The following STAU2 variants were observed in gnomAD, a reference collection of about 807,000 sequenced individuals.
STAU2 encodes double-stranded RNA-binding protein Staufen homolog 2.
STAU2 carries 20 observed loss-of-function variants against 65.9 expected under a neutral mutation model. That is an observed-to-expected ratio of 0.30 (90% CI 0.21 to 0.44). The LOEUF (loss-of-function observed/expected upper bound fraction) is 0.44. STAU2 is among the 20% of genes least tolerant of loss of function. STAU2 has a pLI of 1.00. For synonymous variants in STAU2, 232 were observed against 233.9 expected, an observed-to-expected ratio of 0.99 and a Z score of 0.07; for missense variants, 558 against 683.9, an observed-to-expected ratio of 0.82 and a Z score of 2.05.
chr8:73,628,356 G>A (rs1299381059), intron 6 of STAU2, among the ~76,000 whole-genome samples: 1 of 152,026 alleles, frequency 6.6e-6, no homozygotes, highest in African/African-American at 2.4e-5. Context: ...ATAGGCATGA[G>A]TCACTGTGCC....
At chr8:73,509,992 C>G (rs1172807033) in intron 13 of STAU2, among the ~76,000 whole-genome samples, 2 of 152,106 alleles carry the variant, frequency 1.3e-5, no homozygotes, top group Non-Finnish European at 2.9e-5. Context: ...ACAATAAAGG[C>G]CTCTACAACT....
At chr8:73,586,390 A>C (rs578058439) in intron 11 of STAU2, among the ~76,000 whole-genome samples, 1 of 152,212 alleles carries the variant, frequency 6.6e-6, no homozygotes, top group African/African-American at 2.4e-5. Context: ...CTTTGACCCC[A>C]TGCAGTCAGG....
At chr8:73,534,072 C>T (rs1003696995) in intron 13 of STAU2, among the ~76,000 whole-genome samples, 5 of 152,198 alleles carry the variant, frequency 3.3e-5, no homozygotes, top group African/African-American at 1.2e-4. Context: ...GTATGTGATA[C>T]ATAGCACAAT....
At chr8:73,470,523 C>T (rs963231324) in intron 13 of STAU2, among the ~76,000 whole-genome samples, 4 of 152,096 alleles carry the variant, frequency 2.6e-5, no homozygotes, top group Admixed American at 6.5e-5. Flanking sequence ...AGAGGCCAGG[C>T]GCAGCAGCTC....
At chr8:73,527,857 T>C in intron 13 of STAU2, 2 of 792,760 alleles carry the variant, frequency 2.5e-6, no homozygotes, top group Non-Finnish European at 1.9e-6. Flanking sequence ...GGGGACAAGA[T>C]GCAAATAGGT....
intron 13 of STAU2, among the ~76,000 whole-genome samples, chr8:73,436,271 AG>A (rs1346150011): frequency 3.3e-5 from 5 of 151,652 alleles, no homozygotes; most frequent in African/African-American, 7.3e-5. Context: ...AAGATGGTAA[AG>A]GCAGTTTCTC....
At chr8:73,638,500 CTT>C (rs576967652) in intron 6 of STAU2, among the ~76,000 whole-genome samples, 203 of 133,686 alleles carry the variant, frequency 1.5e-3, no homozygotes, top group Admixed American at 2.0e-3. Context: ...TTGAAATATT[CTT>C]TTTTTTTTTT....
At chr8:73,444,348 G>A (rs1279995533) in intron 13 of STAU2, among the ~76,000 whole-genome samples, 1 of 150,504 alleles carries the variant, frequency 6.6e-6, no homozygotes, top group African/African-American at 2.4e-5. Flanking sequence ...GGAGGTTGCA[G>A]TGAGCCGAGA....
rs886611827 is a variant in STAU2, at chr8:73,723,121, C to CACACAT, written c.-17-13965_-17-13960dup. ...GTGCCCACACACCCACACACACACA[C>CACACAT]ACACATACACACACACACACAACAG... On this transcript the variant is annotated intron_variant, in intron 3 of 14. Transcript: ENST00000524300. Among the ~76,000 whole-genome samples the CACACAT allele has an allele frequency of 1.2e-4, 19 of 152,124 alleles. No individual in the cohort carries two copies. In the Middle Eastern group the frequency reaches 0.017, roughly 136 times the overall value.
rs1812630712 is a variant in STAU2, at chr8:73,613,661, C to A, written c.891+83G>T. ...GTATATAGTCCATAAGTTCAGGGATCTGCCTTATAGAAAAATGCTTATCTA... is the reference window on the plus strand; with the variant it reads ...GTATATAGTCCATAAGTTCAGGGATATGCCTTATAGAAAAATGCTTATCTA... On this transcript the variant is annotated intron_variant, in intron 9 of 14. Transcript: ENST00000524300. 13 of 1,038,836 alleles carry A rather than the reference C, an allele frequency of 1.3e-5. No individual in the cohort carries two copies. In the South Asian group the frequency reaches 2.0e-4, roughly 16 times the overall value. 64.4% of individuals were successfully genotyped at this position (1,038,836 alleles called of 1,614,324 possible).
At chr8:73,496,936 T>A (rs1226441134) in intron 13 of STAU2, among the ~76,000 whole-genome samples, 1 of 151,746 alleles carries the variant, frequency 6.6e-6, no homozygotes, top group East Asian at 1.9e-4. Context: ...TTTTATAATT[T>A]TTATTACTTT....
chr8:73,567,268 G>A (rs541750066), intron 12 of STAU2, among the ~76,000 whole-genome samples: 1 of 152,256 alleles, frequency 6.6e-6, no homozygotes, highest in South Asian at 2.1e-4. Flanking sequence ...AGCACCTTGG[G>A]AGGCCGAGGC....
At chr8:73,732,449 A>G (rs1806134457) in intron 3 of STAU2, 1 of 152,034 alleles carries the variant, frequency 6.6e-6, no homozygotes, top group African/African-American at 2.4e-5. Flanking sequence ...TGCCGGGATC[A>G]TTGGGGGCCA....
chr8:73,667,272 A>G (rs1817308521), intron 6 of STAU2, among the ~76,000 whole-genome samples: 1 of 152,128 alleles, frequency 6.6e-6, no homozygotes, highest in African/African-American at 2.4e-5. Flanking sequence ...CAATATTCCT[A>G]AAACATATAT....
chr8:73,429,969 A>G (rs1490628970), intron 13 of STAU2, among the ~76,000 whole-genome samples: 2 of 152,164 alleles, frequency 1.3e-5, no homozygotes, highest in Admixed American at 1.3e-4. Context: ...CCCTGGGTTG[A>G]CTTCCGAGGC....
intron 13 of STAU2, among the ~76,000 whole-genome samples, chr8:73,452,590 G>A (rs1563600779): frequency 6.6e-6 from 1 of 152,168 alleles, no homozygotes; most frequent in Non-Finnish European, 1.5e-5. Context: ...GTCACTAAAC[G>A]TCTGTGCCTT....
At chr8:73,699,603 A>C (rs966501720) in intron 4 of STAU2, among the ~76,000 whole-genome samples, 10 of 152,174 alleles carry the variant, frequency 6.6e-5, no homozygotes, top group African/African-American at 2.2e-4. Flanking sequence ...CATACACCCT[A>C]CAAAGATTGA....
chr8:73,710,482 TTTAC>T (rs971013567), intron 3 of STAU2, among the ~76,000 whole-genome samples: 1 of 151,892 alleles, frequency 6.6e-6, no homozygotes, highest in Non-Finnish European at 1.5e-5. Flanking sequence ...TCTCAATGAT[TTTAC>T]TTAAACTCAC....
chr8:73,503,740 A>G (rs529970517), intron 13 of STAU2, among the ~76,000 whole-genome samples: 2 of 152,190 alleles, frequency 1.3e-5, no homozygotes, highest in African/African-American at 2.4e-5. Context: ...TTAATATCTG[A>G]GCATGTACTT....
Sources: gnomAD v4.1 joint callset for allele counts (sites outside exome capture counted in the v4.1 genomes callset) on GRCh38, gnomAD v4.1.1 for gene constraint, MANE v1.5 for transcripts, NCBI Gene and HGNC (gene_info 2026-07-23, HGNC 2026-07-21) for gene names.